The following PRKG1 variants were observed in gnomAD, a reference collection of about 807,000 sequenced individuals.
PRKG1 encodes the protein protein kinase cGMP-dependent 1.
In PRKG1, 35 loss-of-function variants were observed where a neutral mutation model predicts 88.1. The observed-to-expected ratio is 0.40, with a 90% CI of 0.30 to 0.53. The LOEUF is 0.53. Ranked by LOEUF, PRKG1 falls within the 20% of genes least tolerant of loss-of-function variation. PRKG1 has a pLI of 0.59. For missense variants in PRKG1, 540 were observed against 839.8 expected (o/e 0.64, Z 4.41); for synonymous variants, 303 against 292.5 (o/e 1.04, Z -0.37).
At chr10:51,121,179 A>G (rs1457099573) in intron 1 of PRKG1, among the ~76,000 whole-genome samples, 1 of 152,138 alleles carries the variant, frequency 6.6e-6, no homozygotes, top group Non-Finnish European at 1.5e-5. Flanking sequence ...ACCCAGAGCA[A>G]TCTTCCGAGC....
At chr10:51,890,508 A>G (rs1358622821) in intron 4 of PRKG1, among the ~76,000 whole-genome samples, 2 of 152,266 alleles carry the variant, frequency 1.3e-5, no homozygotes, top group Non-Finnish European at 2.9e-5. Context: ...GATCTAAGCT[A>G]TGTTATTAAA....
At chr10:51,830,754 G>T (rs1366464013) in intron 4 of PRKG1, among the ~76,000 whole-genome samples, 13 of 151,676 alleles carry the variant, frequency 8.6e-5, no homozygotes, top group Admixed American at 5.9e-4. Context: ...TAGAGACAGG[G>T]TTTCTTCATG....
intron 5 of PRKG1, among the ~76,000 whole-genome samples, chr10:51,985,722 A>G (rs954152991): frequency 6.6e-6 from 1 of 152,092 alleles, no homozygotes; most frequent in Non-Finnish European, 1.5e-5. Flanking sequence ...TTTAAAATGT[A>G]TTGGTAATAT....
At position 51,900,801 on chromosome 10, in the gene PRKG1, T is replaced by G. The variant is rs552818137; in HGVS notation, c.699-6706T>G. ...AATCATTTTCTAGTAAAAAATGGTG[T>G]TCCATGAAAAAAGTGGCTAACTCGG... On this transcript the variant is annotated intron_variant, in intron 4 of 17. Transcript: ENST00000373980. Among the ~76,000 whole-genome samples the G allele has an allele frequency of 2.3e-3, 357 of 152,206 alleles. 1 individual carries two copies. Among genetic ancestry groups the G allele is most frequent in the African/African-American group, 8.4e-3 (347 of 41,552 alleles).
At chr10:51,279,236 T>C (rs1324095723) in intron 2 of PRKG1, among the ~76,000 whole-genome samples, 1 of 152,194 alleles carries the variant, frequency 6.6e-6, no homozygotes, top group Non-Finnish European at 1.5e-5. Context: ...CAGAAGCAGG[T>C]TGTTCAGTTT....
intron 9 of PRKG1, among the ~76,000 whole-genome samples, chr10:52,171,420 G>A (rs1838672021): frequency 6.6e-6 from 1 of 152,108 alleles, no homozygotes; most frequent in Non-Finnish European, 1.5e-5. Flanking sequence ...AGGGTGAGTG[G>A]TCAGAAGGCA....
chr10:52,011,918 C>T (rs1208909708), intron 5 of PRKG1, among the ~76,000 whole-genome samples: 1 of 152,168 alleles, frequency 6.6e-6, no homozygotes, highest in Non-Finnish European at 1.5e-5. Flanking sequence ...CACAAGCCCT[C>T]TCTCTTTGCC....
At chr10:51,961,718 G>A (rs1476189835) in intron 5 of PRKG1, among the ~76,000 whole-genome samples, 2 of 152,090 alleles carry the variant, frequency 1.3e-5, no homozygotes, top group Admixed American at 6.5e-5. Flanking sequence ...AAATTTTTAC[G>A]TGTATTACCA....
In PRKG1 at chr10:51,445,511, T is replaced by C. The variant is rs113221712; in HGVS notation, c.479-22212T>C. On this transcript the variant is annotated intron_variant, in intron 2 of 17. Coordinates refer to ENST00000373980, the MANE Select transcript of PRKG1 (RefSeq NM_006258.4). The stretch of plus-strand genomic sequence containing the variant: ...ACAAAACTTGGTATAATATGCCACA[T>C]ATCAGCTTTAGGTTAAATATAACAA... Among the ~76,000 whole-genome samples the C allele has an allele frequency of 3.8e-3, 575 of 152,018 alleles. 2 individuals carry two copies. Among genetic ancestry groups the C allele is most frequent in the African/African-American group, 0.013 (534 of 41,524 alleles).
chr10:52,171,786 ATTTTT>A (rs545195374), intron 9 of PRKG1, among the ~76,000 whole-genome samples: 2,306 of 93,900 alleles, frequency 0.025, 87 homozygotes, highest in African/African-American at 0.09. Flanking sequence ...TTTTATCAAA[ATTTTT>A]TTTTTTTTTT....
At chr10:51,262,906 G>A (rs1011426455) in intron 2 of PRKG1, among the ~76,000 whole-genome samples, 1 of 151,598 alleles carries the variant, frequency 6.6e-6, no homozygotes, top group African/African-American at 2.4e-5. Context: ...GACACATGGA[G>A]ATTACAATTT....
rs558616699 is a variant in PRKG1 at position 52,141,439 on chromosome 10, C to T, written c.1001+7534C>T. ...TTCAAGTCCTTATAGCAATGATATA[C>T]AGCATGACTGACTGGGATGCCCAGA... On this transcript the variant is annotated intron_variant, in intron 8 of 17. Transcript: ENST00000373980. 2.0e-5 allele frequency among the ~76,000 whole-genome samples: 3 copies of T among 152,210 alleles called. No individual in the cohort carries two copies. In the East Asian group the frequency reaches 5.8e-4, roughly 29 times the overall value.
chr10:51,244,111 C>T lies in PRKG1; in HGVS notation c.478+90781C>T, dbSNP rs148254794. Among the ~76,000 whole-genome samples the T allele has an allele frequency of 5.5e-3, 836 of 152,148 alleles. 2 individuals are homozygous for T. The highest frequency in any genetic ancestry group is 0.01 in the Middle Eastern group (3 of 292). ...TCTTATTTGAGCACATATAAACACACAATCAATAAAATTTCCCAAGAAGGA... is the reference window on the plus strand; with the variant it reads ...TCTTATTTGAGCACATATAAACACATAATCAATAAAATTTCCCAAGAAGGA... On this transcript the variant is annotated intron_variant, in intron 2 of 17. Transcript: ENST00000373980.
chr10:52,196,891 A>G (rs1839520214), intron 9 of PRKG1, among the ~76,000 whole-genome samples: 1 of 152,204 alleles, frequency 6.6e-6, no homozygotes. Flanking sequence ...ACTAATTATG[A>G]TATAGACATT....
chr10:51,350,804 T>C (rs889283310), intron 2 of PRKG1, among the ~76,000 whole-genome samples: 10 of 152,178 alleles, frequency 6.6e-5, no homozygotes, highest in South Asian at 2.1e-4. Context: ...CTGGGATACA[T>C]GTGCAGAACG....
rs1554831108 is a variant in PRKG1 at position 51,034,668 on chromosome 10, TTATATA to T, written c.266+43058_266+43063del. Among the ~76,000 whole-genome samples the T allele has an allele frequency of 4.1e-4, 28 of 68,188 alleles. 1 individual carries two copies. Among genetic ancestry groups the T allele is most frequent in the African/African-American group, 6.0e-4 (11 of 18,398 alleles). 44.7% of individuals were successfully genotyped at this position (68,188 alleles called of 152,430 possible). A position where few individuals can be genotyped will look rare whatever the true frequency, so the allele number is the denominator to read the frequency against. On this transcript the variant is annotated intron_variant, in intron 1 of 17. Coordinates refer to the PRKG1 transcript ENST00000401604. ...AGCAAAATTATATATAATATGTTAT[TTATATA>T]TATATATATATATATATATATATAT...
chr10:51,253,893 A>G (rs1044964062), intron 2 of PRKG1, among the ~76,000 whole-genome samples: 1 of 151,998 alleles, frequency 6.6e-6, no homozygotes, highest in Non-Finnish European at 1.5e-5. Context: ...GGAATCTGTG[A>G]TATCAACAGT....
intron 3 of PRKG1, among the ~76,000 whole-genome samples, chr10:51,627,995 TCTCTCTCTC>T (rs1839400397): frequency 2.3e-5 from 1 of 44,128 alleles, no homozygotes; most frequent in Non-Finnish European, 5.5e-5. Flanking sequence ...TTTCTTTCTC[TCTCTCTCTC>T]TCTCTCTTTC....
intron 3 of PRKG1, among the ~76,000 whole-genome samples, chr10:51,790,868 G>C (rs1490762138): frequency 6.6e-6 from 1 of 152,102 alleles, no homozygotes; most frequent in Admixed American, 6.5e-5. Context: ...TTGCTCCTTT[G>C]AGATGATCCA....
Sources: allele counts gnomAD v4.1 joint callset (sites outside exome capture counted in the v4.1 genomes callset), GRCh38; gene constraint gnomAD v4.1.1; transcripts MANE v1.5; gene names NCBI Gene and HGNC (gene_info 2026-07-23, HGNC 2026-07-21).